The following ZNF277 variants were observed in gnomAD, a reference collection of about 807,000 sequenced individuals.
The protein encoded by ZNF277 is zinc finger protein 277, also known as nuclear receptor-interacting factor 4.
In ZNF277, 55 loss-of-function variants were observed where a neutral mutation model predicts 60.7. That is an observed-to-expected ratio of 0.91 (90% CI 0.73 to 1.13). The LOEUF is 1.13. ZNF277 is among the 50% of genes most tolerant of loss of function. The pLI, the probability that ZNF277 is intolerant of heterozygous loss-of-function variation, is 0.00. For synonymous variants in ZNF277, 178 were observed against 179.3 expected (o/e 0.99, Z 0.06); for missense variants, 510 against 523.0 (o/e 0.98, Z 0.24).
At chr7:112,225,060 G>A (rs907686039) in intron 1 of ZNF277, among the ~76,000 whole-genome samples, 1 of 152,164 alleles carries the variant, frequency 6.6e-6, no homozygotes, top group Non-Finnish European at 1.5e-5. Flanking sequence ...ATAGAATCAG[G>A]GCAACAGATT....
intron 1 of ZNF277, among the ~76,000 whole-genome samples, chr7:112,240,564 A>T (rs1035222338): frequency 6.6e-6 from 1 of 152,176 alleles, no homozygotes; most frequent in Non-Finnish European, 1.5e-5. Flanking sequence ...CCACAAAAAA[A>T]TTTTTAAGAA....
At chr7:112,338,618 T>G (rs10278420) in intron 9 of ZNF277, among the ~76,000 whole-genome samples, 7,798 of 152,212 alleles carry the variant, frequency 0.051, 281 homozygotes, top group Admixed American at 0.12. Flanking sequence ...TCAGAAATAC[T>G]GTTCTTAGTT....
rs1057055793 is a variant in ZNF277, at chr7:112,295,256, T to C, written c.294-613T>C. Reference sequence around the variant, plus strand: ...ATATGTAGGTCTGGGTGTTAGGCTTTGGTTTTTAATTTAGCTGGTGTGTTG... The same window carrying C: ...ATATGTAGGTCTGGGTGTTAGGCTTCGGTTTTTAATTTAGCTGGTGTGTTG... On this transcript the variant is annotated intron_variant, in intron 2 of 11. Transcript: ENST00000361822. 1.0e-3 allele frequency among the ~76,000 whole-genome samples: 159 copies of C among 152,172 alleles called. 1 individual carries two copies. The highest frequency in any genetic ancestry group is 1.5e-5 in the Non-Finnish European group (1 of 68,004).
intron 5 of ZNF277, among the ~76,000 whole-genome samples, chr7:112,320,917 CTT>C (rs1230552751): frequency 4.1e-5 from 4 of 98,356 alleles, no homozygotes; most frequent in East Asian, 2.8e-4. Flanking sequence ...TTGTTTCTTT[CTT>C]TTTTTTTTTT....
intron 1 of ZNF277, among the ~76,000 whole-genome samples, chr7:112,266,354 C>G (rs977921861): frequency 4.6e-5 from 7 of 152,040 alleles, no homozygotes; most frequent in Non-Finnish European, 1.0e-4. Flanking sequence ...GCCATGTTGG[C>G]CTGGCTGGTC....
chr7:112,223,731 A>G (rs1316551394), intron 1 of ZNF277, among the ~76,000 whole-genome samples: 1 of 152,186 alleles, frequency 6.6e-6, no homozygotes, highest in African/African-American at 2.4e-5. Flanking sequence ...GCAGGGATAT[A>G]AGCAGAGGAC....
intron 4 of ZNF277, among the ~76,000 whole-genome samples, chr7:112,315,235 A>G (rs1447339714): frequency 3.3e-5 from 5 of 152,236 alleles, no homozygotes; most frequent in African/African-American, 9.6e-5. Context: ...AACATATTTG[A>G]GTTAATTTTA....
chr7:112,208,674 A>ATTTTTTTTTTTTTT lies in ZNF277; in HGVS notation c.91+1878_91+1891dup, dbSNP rs869082099. Among the ~76,000 whole-genome samples the ATTTTTTTTTTTTTT allele has an allele frequency of 1.0e-3, 76 of 72,806 alleles. 11 individuals are homozygous for ATTTTTTTTTTTTTT. The highest frequency in any genetic ancestry group is 2.9e-3 in the African/African-American group (48 of 16,736). 47.8% of individuals were successfully genotyped at this position (72,806 alleles called of 152,430 possible). On this transcript the variant is annotated intron_variant, in intron 1 of 11. Coordinates refer to ENST00000361822, the MANE Select transcript of ZNF277 (RefSeq NM_021994.3). ...ATATGACACACGTCTGTATGATTTG[A>ATTTTTTTTTTTTTT]TTTTTTTTTTTTTTTTTTTTTTTTG...
At chr7:112,246,159 G>A (rs1027881834) in intron 1 of ZNF277, among the ~76,000 whole-genome samples, 5 of 151,994 alleles carry the variant, frequency 3.3e-5, no homozygotes, top group African/African-American at 4.8e-5. Flanking sequence ...TGAGGTGGGA[G>A]GATTGCTTGA....
chr7:112,221,616 C>T (rs1399474908), intron 1 of ZNF277, among the ~76,000 whole-genome samples: 1 of 152,074 alleles, frequency 6.6e-6, no homozygotes, highest in Non-Finnish European at 1.5e-5. Flanking sequence ...CTAGACAGTC[C>T]ATCTGGGGGT....
intron 9 of ZNF277, among the ~76,000 whole-genome samples, chr7:112,339,642 G>C (rs1006070877): frequency 6.6e-6 from 1 of 152,156 alleles, no homozygotes; most frequent in African/African-American, 2.4e-5. Flanking sequence ...TTAACTGATT[G>C]ACATGACTTG....
chr7:112,231,718 T>G (rs1156991335), intron 1 of ZNF277, among the ~76,000 whole-genome samples: 1 of 152,098 alleles, frequency 6.6e-6, no homozygotes, highest in South Asian at 2.1e-4. Context: ...GTCTCCCTTT[T>G]ATTTCTTAAA....
chr7:112,260,676 T>C (rs576275302), intron 1 of ZNF277, among the ~76,000 whole-genome samples: 55 of 152,308 alleles, frequency 3.6e-4, no homozygotes, highest in African/African-American at 1.3e-3. Context: ...AGTTAAACTT[T>C]AATTTTCAAA....
In ZNF277 at chr7:112,261,635, T is replaced by TCA. The variant is rs1791441190; in HGVS notation, c.92-25236_92-25235dup. Among the ~76,000 whole-genome samples, 3 of 152,276 alleles carry TCA rather than the reference T, an allele frequency of 2.0e-5. No individual in the cohort carries two copies. In the South Asian group the frequency reaches 6.2e-4, roughly 32 times the overall value. On this transcript the variant is annotated intron_variant, in intron 1 of 11. Coordinates refer to ENST00000361822, the MANE Select transcript of ZNF277 (RefSeq NM_021994.3). The stretch of plus-strand genomic sequence containing the variant: ...AAATACTACCACACCACATAACATT[T>TCA]CACCCCAAATTCTTAAATTTTTTAA...
At chr7:112,207,911 G>A (rs1029203767) in intron 1 of ZNF277, among the ~76,000 whole-genome samples, 3 of 151,986 alleles carry the variant, frequency 2.0e-5, no homozygotes, top group African/African-American at 7.3e-5. Flanking sequence ...CAAATCTTTG[G>A]TAGTCTCCTG....
At chr7:112,287,182 CAGT>C in intron 2 of ZNF277, 108 bp downstream of exon 2, 2 of 1,124,788 alleles carry the variant, frequency 1.8e-6, no homozygotes, top group Non-Finnish European at 2.6e-6. Context: ...CACCCGAGGC[CAGT>C]AGTAGTTCAA....
chr7:112,318,265 T>C lies in ZNF277; in HGVS notation c.549T>C (p.Leu183=), dbSNP rs755233903. 3.1e-6 allele frequency: 5 copies of C among 1,612,898 alleles called. No homozygotes were observed. In the South Asian group the frequency reaches 4.4e-5, roughly 14 times the overall value. Residue 183 remains leucine, a synonymous_variant, in exon 5 of 12, where the codon CTT becomes CTC. Coordinates refer to ENST00000361822, the MANE Select transcript of ZNF277 (RefSeq NM_021994.3). ...GTATGTTTTGCAATGAAGAATTCCT[T>C]GGAAACAGGTTTGCCATTTTGCATC... ...GVCMFCNEEF[L]GNRSVILNHM...
chr7:112,276,816 T>C (rs1419732430), intron 1 of ZNF277, among the ~76,000 whole-genome samples: 63 of 152,194 alleles, frequency 4.1e-4, no homozygotes, highest in Admixed American at 4.1e-3. Context: ...AGGGTATTTA[T>C]CTGTAGTTTC....
intron 5 of ZNF277, among the ~76,000 whole-genome samples, chr7:112,320,681 C>A (rs1449605366): frequency 6.6e-6 from 1 of 152,040 alleles, no homozygotes; most frequent in Non-Finnish European, 1.5e-5. Flanking sequence ...GAAAGTATAT[C>A]TTATAGACAG....
Sources: gnomAD v4.1 joint callset for allele counts (sites outside exome capture counted in the v4.1 genomes callset) on GRCh38, gnomAD v4.1.1 for gene constraint, MANE v1.5 for transcripts, NCBI Gene and HGNC (gene_info 2026-07-23, HGNC 2026-07-21) for gene names.